Variants in MDM4 observed in about 807,000 individuals in gnomAD.
MDM4 encodes MDM4 regulator of p53.
A neutral mutation model predicts 60.2 loss-of-function variants in MDM4; 2 were observed. The ratio of observed to expected loss-of-function variants is 0.03; its 90% CI spans 0.01 to 0.10. The LOEUF (loss-of-function observed/expected upper bound fraction) is 0.10, where lower values mean the gene tolerates loss of function less well. Among genes scored for constraint, MDM4 ranks in the 10% least tolerant of loss-of-function variants. MDM4 has a pLI of 1.00. For synonymous variants in MDM4, 202 were observed against 198.1 expected (o/e 1.02, Z -0.17); for missense variants, 447 against 577.5 (o/e 0.77, Z 2.32).
In MDM4 at chr1:204,550,841, A is replaced by G. The variant is rs1219330360; in HGVS notation, c.*1159A>G. 1.1e-5 allele frequency: 2 copies of G among 178,196 alleles called. No homozygotes were observed. Among genetic ancestry groups the G allele is most frequent in the Non-Finnish European group, 2.4e-5 (2 of 82,968 alleles). The allele number at this position is 178,196 out of a possible 1,614,324, so 11.0% of individuals were successfully genotyped here. A position where few individuals can be genotyped will look rare whatever the true frequency, so the allele number is the denominator to read the frequency against. On this transcript the variant is annotated 3_prime_UTR_variant, in exon 11 of 11. Transcript: ENST00000367182. ...GAGCCACTATGCTTGGCTCAAAGAT[A>G]TTTTTATGAAAGCCCTGGGACTATA... is the stretch of plus-strand genomic sequence containing the variant.
Position 204,549,895 on chromosome 1 carries a change from C to T in MDM4, c.*213C>T, listed in dbSNP as rs2102460180. On this transcript the variant is annotated 3_prime_UTR_variant, in exon 11 of 11. Coordinates refer to ENST00000367182, the MANE Select transcript of MDM4 (RefSeq NM_002393.5). The stretch of plus-strand genomic sequence containing the variant: ...AAGTGCCATGGATTACTTTATGCAG[C>T]AGTCAGGTACATAGTTAGGTGAACC... 2.4e-6 allele frequency: 1 copy of T among 424,166 alleles called. No homozygotes were observed. Among genetic ancestry groups the T allele is most frequent in the East Asian group, 3.5e-5 (1 of 28,246 alleles). The allele number at this position is 424,166 out of a possible 1,614,324, so 26.3% of individuals were successfully genotyped here. A position where few individuals can be genotyped will look rare whatever the true frequency, so the allele number is the denominator to read the frequency against.
intron 1 of MDM4, among the ~76,000 whole-genome samples, chr1:204,522,073 A>G (rs1366195254): frequency 1.3e-5 from 2 of 152,168 alleles, no homozygotes; most frequent in Non-Finnish European, 2.9e-5. Context: ...CTGTAATCCC[A>G]GGGATTACAG....
chr1:204,539,455 A>G (rs1362753684), intron 7 of MDM4, among the ~76,000 whole-genome samples: 2 of 151,634 alleles, frequency 1.3e-5, no homozygotes, highest in African/African-American at 2.4e-5. Context: ...GAGTACTAGG[A>G]TGGTGCAAGA....
chr1:204,531,187 A>G (rs1284911825), intron 4 of MDM4, among the ~76,000 whole-genome samples: 1 of 152,240 alleles, frequency 6.6e-6, no homozygotes, highest in Non-Finnish European at 1.5e-5. Flanking sequence ...AAAAGCTGAA[A>G]GATAGATAAT....
At chr1:204,529,653 C>G (rs4252692) in intron 3 of MDM4, 5 of 801,566 alleles carry the variant, frequency 6.2e-6, no homozygotes, top group Admixed American at 6.1e-5. Context: ...GGCGCTTGCC[C>G]TGCATCTCCA....
intron 5 of MDM4, chr1:204,532,748 C>T: frequency 6.2e-7 from 1 of 1,606,640 alleles, no homozygotes; most frequent in Non-Finnish European, 8.5e-7. Context: ...CTTTTGTTTT[C>T]ATGTCATTTA....
chr1:204,519,106 G>A (rs1169776017), intron 1 of MDM4, among the ~76,000 whole-genome samples: 1 of 152,208 alleles, frequency 6.6e-6, no homozygotes, highest in African/African-American at 2.4e-5. Context: ...TAAAAGATCA[G>A]GGTGGCTGAG....
chr1:204,540,688 G>A (rs193172358), intron 7 of MDM4, among the ~76,000 whole-genome samples: 35 of 151,574 alleles, frequency 2.3e-4, no homozygotes, highest in African/African-American at 3.9e-4. Flanking sequence ...GCTTGAACCC[G>A]GGAGGCAGAG....
At chr1:204,528,282 G>A (rs568090078) in intron 3 of MDM4, among the ~76,000 whole-genome samples, 2 of 152,244 alleles carry the variant, frequency 1.3e-5, no homozygotes, top group African/African-American at 2.4e-5. Context: ...AGATGCCCAG[G>A]GAACAGATTT....
At chr1:204,540,342 T>C (rs188271740) in intron 7 of MDM4, among the ~76,000 whole-genome samples, 2 of 152,150 alleles carry the variant, frequency 1.3e-5, no homozygotes, top group African/African-American at 4.8e-5. Flanking sequence ...ATTATGTATA[T>C]GCAAATATTC....
intron 8 of MDM4, among the ~76,000 whole-genome samples, chr1:204,544,245 C>T (rs1439396437): frequency 6.6e-6 from 1 of 152,206 alleles, no homozygotes; most frequent in Non-Finnish European, 1.5e-5. Context: ...ACTTGAGCAA[C>T]TACAAGTCCT....
intron 3 of MDM4, among the ~76,000 whole-genome samples, chr1:204,528,519 G>A (rs930109593): frequency 1.4e-4 from 21 of 152,182 alleles, no homozygotes; most frequent in African/African-American, 4.3e-4. Flanking sequence ...GAGCTCAGCT[G>A]ACTGGACACT....
Position 204,549,103 on chromosome 1 carries a change from G to A in MDM4, c.904-10G>A, listed in dbSNP as rs1662955783. On this transcript the variant is annotated splice_polypyrimidine_tract_variant and intron_variant, in intron 10 of 10. Coordinates refer to ENST00000367182, the MANE Select transcript of MDM4 (RefSeq NM_002393.5). ...CCCTGAGTATTAATTGGCTTCACTT[G>A]TCTTTGTAGGATGAGTGGCAGTGTA... 6 of 1,557,032 alleles carry A rather than the reference G, an allele frequency of 3.9e-6. No individual in the cohort carries two copies. The highest frequency in any genetic ancestry group is 5.3e-6 in the Non-Finnish European group (6 of 1,141,024).
chr1:204,541,555 A>T (rs1285500743), intron 7 of MDM4, among the ~76,000 whole-genome samples: 1 of 152,226 alleles, frequency 6.6e-6, no homozygotes, highest in Non-Finnish European at 1.5e-5. Context: ...TTTGTGATGA[A>T]AATTTGGGAA....
intron 7 of MDM4, among the ~76,000 whole-genome samples, chr1:204,540,299 AG>A (rs1384970263): frequency 6.6e-6 from 1 of 151,774 alleles, no homozygotes; most frequent in Non-Finnish European, 1.5e-5. Context: ...AAAAAACAAA[AG>A]GGAAACTTGG....
At position 204,550,203 on chromosome 1, in the gene MDM4, C is replaced by T. The variant is rs903145133; in HGVS notation, c.*521C>T. ...GTGGGGCGACAGGGTCTGTCTTGTTCTGTCTCCCAGGCTGAAGTGCAGTGC... is the reference window on the plus strand; with the variant it reads ...GTGGGGCGACAGGGTCTGTCTTGTTTTGTCTCCCAGGCTGAAGTGCAGTGC... On this transcript the variant is annotated 3_prime_UTR_variant, in exon 11 of 11. Transcript: ENST00000367182. 3 of 219,336 alleles carry T rather than the reference C, an allele frequency of 1.4e-5. No homozygotes were observed. The highest frequency in any genetic ancestry group is 6.4e-5 in the Admixed American group (1 of 15,706). 13.6% of individuals were successfully genotyped at this position (219,336 alleles called of 1,614,324 possible).
chr1:204,531,715 C>T (rs1473053986), intron 4 of MDM4, among the ~76,000 whole-genome samples: 1 of 152,068 alleles, frequency 6.6e-6, no homozygotes, highest in African/African-American at 2.4e-5. Context: ...GCCTATAATC[C>T]TAGCTAGTAG....
intron 1 of MDM4, among the ~76,000 whole-genome samples, chr1:204,523,533 G>A: frequency 7.8e-6 from 1 of 128,050 alleles, no homozygotes; most frequent in Non-Finnish European, 1.6e-5. Flanking sequence ...ACCCAGGCTG[G>A]AGTGCAGTGG....
chr1:204,538,956 G>A (rs565113891), intron 7 of MDM4, among the ~76,000 whole-genome samples: 3 of 144,358 alleles, frequency 2.1e-5, no homozygotes, highest in South Asian at 2.3e-4. Flanking sequence ...CGCAGCCTCC[G>A]CCTCCCAGGT....
Sources: gnomAD v4.1 joint callset for allele counts (sites outside exome capture counted in the v4.1 genomes callset) on GRCh38, gnomAD v4.1.1 for gene constraint, MANE v1.5 for transcripts, NCBI Gene and HGNC (gene_info 2026-07-23, HGNC 2026-07-21) for gene names.